Variants in MYO1B observed in about 807,000 individuals in gnomAD.
MYO1B encodes the protein unconventional myosin-Ib.
In MYO1B, 72 loss-of-function variants were observed where a neutral mutation model predicts 159.7. The observed-to-expected ratio is 0.45, with a 90% confidence interval of 0.37 to 0.55. MYO1B has a LOEUF of 0.55. MYO1B is among the 20% of genes least tolerant of loss of function. The probability of loss-of-function intolerance (pLI) is 0.00; values close to 1 mark genes in which losing one functional copy is unlikely to be tolerated. For synonymous variants in MYO1B, 468 were observed against 473.8 expected (o/e 0.99, Z 0.16); for missense variants, 1,062 against 1,364.8 (o/e 0.78, Z 3.50).
chr2:191,422,872 T>C (rs561365725), intron 30 of MYO1B, among the ~76,000 whole-genome samples: 13 of 152,336 alleles, frequency 8.5e-5, no homozygotes, highest in African/African-American at 2.6e-4. Context: ...ATATAACCTG[T>C]TGGTCTTTCC....
At chr2:191,251,307 C>A (rs1257400372) in intron 1 of MYO1B, among the ~76,000 whole-genome samples, 1 of 152,234 alleles carries the variant, frequency 6.6e-6, no homozygotes. Context: ...TCGCTCAGAT[C>A]TTTGATGTGT....
chr2:191,416,029 CTG>C (rs1040270538), intron 29 of MYO1B, 84 bp from the exon 30 acceptor site: 2 of 1,380,248 alleles, frequency 1.4e-6, no homozygotes, highest in African/African-American at 2.9e-5. Flanking sequence ...TTTAAAGAGA[CTG>C]TAAGTATGTT....
chr2:191,413,474 T>C (rs1697372814), intron 27 of MYO1B, among the ~76,000 whole-genome samples: 1 of 152,258 alleles, frequency 6.6e-6, no homozygotes, highest in Admixed American at 6.5e-5. Flanking sequence ...CTGTATTGCC[T>C]ACTTAGAACC....
chr2:191,329,635 AATTTATATAAATTATTT>A (rs1165803366), intron 3 of MYO1B, among the ~76,000 whole-genome samples: 5 of 147,604 alleles, frequency 3.4e-5, no homozygotes, highest in South Asian at 2.1e-4. Flanking sequence ...TTATTAAATA[AATTTATATAAATTATTT>A]ATTTATATAA....
chr2:191,326,786 G>T (rs982828004), intron 3 of MYO1B, among the ~76,000 whole-genome samples: 1 of 140,200 alleles, frequency 7.1e-6, no homozygotes, highest in Non-Finnish European at 1.5e-5. Context: ...GTGTGTGTGT[G>T]TGTGTGTGTG....
intron 7 of MYO1B, among the ~76,000 whole-genome samples, chr2:191,353,117 T>C (rs1693027569): frequency 2.0e-5 from 3 of 152,188 alleles, no homozygotes; most frequent in Non-Finnish European, 4.4e-5. Context: ...ACTTGAAAAC[T>C]ACATATCCCT....
chr2:191,275,182 G>C (rs187726464), intron 1 of MYO1B, among the ~76,000 whole-genome samples: 2 of 152,162 alleles, frequency 1.3e-5, no homozygotes, highest in Non-Finnish European at 2.9e-5. Flanking sequence ...GGGATTACAG[G>C]CATGAGCCAC....
chr2:191,254,596 C>A (rs913617268), intron 1 of MYO1B, among the ~76,000 whole-genome samples: 1 of 151,972 alleles, frequency 6.6e-6, no homozygotes, highest in African/African-American at 2.4e-5. Context: ...GCCTCATACT[C>A]CTGGACTCAA....
rs113729156 is a variant in MYO1B at position 191,289,442 on chromosome 2, C to T, written c.136-6669C>T. On this transcript the variant is annotated intron_variant, in intron 2 of 30. Coordinates refer to ENST00000392318, the MANE Select transcript of MYO1B (RefSeq NM_001130158.3). ...ATTAAGATAGAGAATTTGTATCTAT[C>T]TCTTGGGGATTTGGGAGTAGTTTAG... Among the ~76,000 whole-genome samples the T allele has an allele frequency of 2.9e-3, 445 of 152,288 alleles. 10 individuals carry two copies. Among genetic ancestry groups the T allele is most frequent in the Non-Finnish European group, 4.0e-3 (269 of 68,026 alleles).
At chr2:191,409,313 C>T in intron 26 of MYO1B, 135 bp downstream of exon 26, 3 of 989,028 alleles carry the variant, frequency 3.0e-6, no homozygotes, top group Non-Finnish European at 4.4e-6. Flanking sequence ...TGGTGATTTT[C>T]CCCCATGCAC....
At chr2:191,317,526 G>C (rs751968575) in intron 3 of MYO1B, among the ~76,000 whole-genome samples, 4 of 152,144 alleles carry the variant, frequency 2.6e-5, no homozygotes, top group African/African-American at 7.2e-5. Context: ...TGTGCACAAC[G>C]TGCAGGTTTG....
chr2:191,280,213 C>T (rs528632742), intron 2 of MYO1B, among the ~76,000 whole-genome samples: 22 of 152,314 alleles, frequency 1.4e-4, no homozygotes, highest in Non-Finnish European at 2.4e-4. Context: ...GTCATCCTGT[C>T]GTACTAAACC....
chr2:191,355,753 G>T (rs549020782), intron 7 of MYO1B, among the ~76,000 whole-genome samples: 24 of 152,274 alleles, frequency 1.6e-4, no homozygotes, highest in Admixed American at 2.6e-4. Context: ...ATTTTTTCTC[G>T]TCCTGGGGAG....
At chr2:191,323,771 TTGA>T (rs1485594067) in intron 3 of MYO1B, among the ~76,000 whole-genome samples, 1 of 152,178 alleles carries the variant, frequency 6.6e-6, no homozygotes, top group Non-Finnish European at 1.5e-5. Context: ...ATGACTTATC[TTGA>T]TGATATTATT....
chr2:191,408,978 G>A (rs772877868), intron 25 of MYO1B, 66 bp from the exon 26 acceptor site: 9 of 1,465,148 alleles, frequency 6.1e-6, no homozygotes, highest in Middle Eastern at 2.4e-4. Context: ...TGATCATGAT[G>A]TATGTAAAAC....
intron 7 of MYO1B, among the ~76,000 whole-genome samples, chr2:191,354,037 C>T (rs1693098982): frequency 6.6e-6 from 1 of 152,000 alleles, no homozygotes; most frequent in African/African-American, 2.4e-5. Context: ...GCAGGCGGAT[C>T]ACGAGGTCAG....
At chr2:191,263,389 G>T in intron 1 of MYO1B, 1 of 968,062 alleles carries the variant, frequency 1.0e-6, no homozygotes, top group Non-Finnish European at 1.2e-6. Flanking sequence ...AGAAAAGTTG[G>T]TAAGCAGTTT....
At chr2:191,387,191 T>G (rs1293344835) in intron 16 of MYO1B, 33 bp from the exon 17 acceptor site, 1 of 1,583,900 alleles carries the variant, frequency 6.3e-7, no homozygotes, top group Non-Finnish European at 8.6e-7. Flanking sequence ...GCATGCAATG[T>G]GCCTGTCATT....
chr2:191,377,808 A>G (rs1220021127), intron 13 of MYO1B: 1 of 152,094 alleles, frequency 6.6e-6, no homozygotes, highest in Non-Finnish European at 1.5e-5. Context: ...AAATTTGAAC[A>G]ATGCCATCAA....
Sources: gnomAD v4.1 joint callset for allele counts (sites outside exome capture counted in the v4.1 genomes callset) on GRCh38, gnomAD v4.1.1 for gene constraint, MANE v1.5 for transcripts, NCBI Gene and HGNC (gene_info 2026-07-23, HGNC 2026-07-21) for gene names.